FAT3: variants seen among roughly 807,000 people sequenced by gnomAD.
The protein encoded by FAT3 is protocadherin Fat 3.
FAT3 carries 95 observed loss-of-function variants against 310.2 expected under a neutral mutation model. The ratio of observed to expected loss-of-function variants is 0.31; its 90% CI spans 0.26 to 0.36. FAT3 has a LOEUF of 0.36. Ranked by LOEUF, FAT3 falls within the 10% of genes least tolerant of loss-of-function variation. The probability of loss-of-function intolerance (pLI) is 1.00; values close to 1 mark genes in which losing one functional copy is unlikely to be tolerated. For missense variants in FAT3, 5,408 were observed against 5,715.6 expected (o/e 0.95, Z 1.74); for synonymous variants, 2,314 against 2,192.9 (o/e 1.06, Z -1.54).
intron 21 of FAT3, among the ~76,000 whole-genome samples, chr11:92,862,127 A>G (rs1411047823): frequency 6.6e-6 from 1 of 152,258 alleles, no homozygotes; most frequent in Non-Finnish European, 1.5e-5. Flanking sequence ...AGATGAAAAT[A>G]CAAGGTTAAG....
chr11:92,499,723 ATG>A (rs61267708), intron 2 of FAT3, among the ~76,000 whole-genome samples: 12,316 of 127,482 alleles, frequency 0.097, 687 homozygotes, highest in African/African-American at 0.18. Context: ...ATGTGTGTGT[ATG>A]TGTGTGTGTG....
At chr11:92,494,880 A>C (rs1952709989) in intron 2 of FAT3, among the ~76,000 whole-genome samples, 1 of 152,098 alleles carries the variant, frequency 6.6e-6, no homozygotes, top group African/African-American at 2.4e-5. Context: ...TAATCCCAAC[A>C]CATTAATAAC....
chr11:92,528,918 G>C (rs1953970869), intron 3 of FAT3, among the ~76,000 whole-genome samples: 1 of 152,190 alleles, frequency 6.6e-6, no homozygotes, highest in African/African-American at 2.4e-5. Context: ...AAAAGTCTGT[G>C]TAAGCTACAA....
At chr11:92,653,184 C>T (rs1210940445) in intron 3 of FAT3, among the ~76,000 whole-genome samples, 1 of 150,862 alleles carries the variant, frequency 6.6e-6, no homozygotes, top group African/African-American at 2.4e-5. Context: ...AAATTAAATC[C>T]CCTTCTCTGC....
chr11:92,395,998 A>G (rs1462626354), intron 2 of FAT3, among the ~76,000 whole-genome samples: 1 of 152,020 alleles, frequency 6.6e-6, no homozygotes, highest in Non-Finnish European at 1.5e-5. Flanking sequence ...TTCCCTTAGG[A>G]GAAATTAGTG....
At chr11:92,528,195 T>G (rs1316993878) in intron 3 of FAT3, among the ~76,000 whole-genome samples, 1 of 152,232 alleles carries the variant, frequency 6.6e-6, no homozygotes, top group African/African-American at 2.4e-5. Context: ...GTAGAATCAG[T>G]AGTCTGTGGA....
At chr11:92,786,179 A>G (rs1946888537) in intron 7 of FAT3, among the ~76,000 whole-genome samples, 1 of 152,176 alleles carries the variant, frequency 6.6e-6, no homozygotes, top group Non-Finnish European at 1.5e-5. Context: ...TGTAAATGAA[A>G]GAAAAGAAAA....
At chr11:92,260,893 A>G (rs1301305811) in intron 1 of FAT3, among the ~76,000 whole-genome samples, 1 of 152,120 alleles carries the variant, frequency 6.6e-6, no homozygotes, top group Non-Finnish European at 1.5e-5. Flanking sequence ...GACATCAGAC[A>G]GACAGTAAAA....
At chr11:92,273,590 G>A (rs952092543) in intron 1 of FAT3, among the ~76,000 whole-genome samples, 3 of 151,996 alleles carry the variant, frequency 2.0e-5, no homozygotes, top group Admixed American at 6.6e-5. Flanking sequence ...TTAGAAGCTG[G>A]CAAATGAAGT....
chr11:92,682,739 T>G (rs768320054), intron 3 of FAT3, among the ~76,000 whole-genome samples: 5 of 152,100 alleles, frequency 3.3e-5, no homozygotes, highest in Admixed American at 6.6e-5. Context: ...ACCCAACAAA[T>G]GTGTTCTGAG....
intron 4 of FAT3, among the ~76,000 whole-genome samples, chr11:92,714,629 A>T (rs758696887): frequency 5.3e-5 from 8 of 152,244 alleles, no homozygotes; most frequent in Non-Finnish European, 1.0e-4. Context: ...CTTCATCAGA[A>T]CAATACAGTT....
chr11:92,868,950 A>C (rs960417908), intron 22 of FAT3, among the ~76,000 whole-genome samples: 3 of 152,166 alleles, frequency 2.0e-5, no homozygotes, highest in African/African-American at 7.2e-5. Context: ...TATACTTTTC[A>C]TATAACCTAG....
chr11:92,801,438 GACA>G lies in FAT3; in HGVS notation c.8430_8432del (p.Asn2810del). 1 of 1,613,808 alleles carries G rather than the reference GACA, an allele frequency of 6.2e-7. No individual in the cohort carries two copies. Among genetic ancestry groups the G allele is most frequent in the Non-Finnish European group, 8.5e-7 (1 of 1,179,854 alleles). ...AGATATCAAGGTATTGGATTTGAATGACAACAAGCCAGTCTTTGAAACTTCAAG... is the reference window on the plus strand; with the variant it reads ...AGATATCAAGGTATTGGATTTGAATGACAAGCCAGTCTTTGAAACTTCAAG... On this transcript the variant is annotated inframe_deletion, in exon 10 of 28. Coordinates refer to ENST00000525166, the MANE Select transcript of FAT3 (RefSeq NM_001367949.2).
At chr11:92,334,795 G>A (rs892113178) in intron 1 of FAT3, among the ~76,000 whole-genome samples, 3 of 152,190 alleles carry the variant, frequency 2.0e-5, no homozygotes, top group Non-Finnish European at 4.4e-5. Context: ...CCCCAGGCCA[G>A]CATATGTGAA....
intron 4 of FAT3, 60 bp from the exon 5 acceptor site, chr11:92,761,796 T>G: frequency 6.7e-7 from 1 of 1,498,648 alleles, no homozygotes; most frequent in Non-Finnish European, 9.1e-7. Flanking sequence ...ACCCATAGGT[T>G]AACATGTAAT....
chr11:92,410,341 A>G (rs1420999686), intron 2 of FAT3, among the ~76,000 whole-genome samples: 3 of 151,910 alleles, frequency 2.0e-5, no homozygotes, highest in Non-Finnish European at 4.4e-5. Context: ...AGTGAGAGAG[A>G]CGGAGAGAGA....
At chr11:92,578,751 C>T (rs1313720507) in intron 3 of FAT3, among the ~76,000 whole-genome samples, 1 of 152,090 alleles carries the variant, frequency 6.6e-6, no homozygotes, top group Non-Finnish European at 1.5e-5. Context: ...GGTAATAAAA[C>T]CTTCCATCTC....
Position 92,895,523 on chromosome 11 carries a change from G to A in FAT3, c.*4410G>A, listed in dbSNP as rs1181203732. On this transcript the variant is annotated 3_prime_UTR_variant, in exon 28 of 28. Coordinates refer to ENST00000525166, the MANE Select transcript of FAT3 (RefSeq NM_001367949.2). ...CTCTTCTAGTGTTTAGAATGCACTTGAGAATCGTAGAGTCATTTGGAGCGT... is the reference window on the plus strand; with the variant it reads ...CTCTTCTAGTGTTTAGAATGCACTTAAGAATCGTAGAGTCATTTGGAGCGT... 2 of 152,190 alleles carry A rather than the reference G, an allele frequency of 1.3e-5. No homozygotes were observed. Among genetic ancestry groups the A allele is most frequent in the African/African-American group, 4.8e-5 (2 of 41,462 alleles). The allele number at this position is 152,190 out of a possible 1,614,324, so 9.4% of individuals were successfully genotyped here. A position where few individuals can be genotyped will look rare whatever the true frequency, so the allele number is the denominator to read the frequency against.
intron 4 of FAT3, among the ~76,000 whole-genome samples, chr11:92,747,014 G>A (rs1223424617): frequency 6.6e-6 from 1 of 152,196 alleles, no homozygotes; most frequent in East Asian, 1.9e-4. Flanking sequence ...AGTGCAAGCT[G>A]TTGGTGGATC....
Sources: allele counts gnomAD v4.1 joint callset (sites outside exome capture counted in the v4.1 genomes callset), GRCh38; gene constraint gnomAD v4.1.1; transcripts MANE v1.5; gene names NCBI Gene and HGNC (gene_info 2026-07-23, HGNC 2026-07-21).